Variants in CFAP57 observed in about 807,000 individuals in gnomAD.
CFAP57 encodes cilia and flagella associated protein 57, also known as cilia- and flagella-associated protein 57.
CFAP57 carries 116 observed loss-of-function variants against 146.8 expected under a neutral mutation model. The observed-to-expected ratio is 0.79, with a 90% confidence interval of 0.68 to 0.92. The LOEUF is 0.92. Ranked by LOEUF, CFAP57 falls within the 40% of genes least tolerant of loss-of-function variation. The probability of loss-of-function intolerance (pLI) is 0.00; values close to 1 mark genes in which losing one functional copy is unlikely to be tolerated. For synonymous variants in CFAP57, 518 were observed against 552.8 expected (o/e 0.94, Z 0.88); for missense variants, 1,377 against 1,527.2 (o/e 0.90, Z 1.64).
intron 6 of CFAP57, among the ~76,000 whole-genome samples, chr1:43,190,265 C>CTTTTTTTT (rs71036614): frequency 1.1e-4 from 8 of 71,428 alleles, no homozygotes; most frequent in African/African-American, 2.2e-4. Context: ...CATCCAGTCT[C>CTTTTTTTT]TTTTTTTTTT....
chr1:43,179,305 A>G (rs972870333), intron 2 of CFAP57, among the ~76,000 whole-genome samples: 66 of 152,180 alleles, frequency 4.3e-4, no homozygotes, highest in African/African-American at 1.4e-3. Context: ...AAGGATATCT[A>G]TGTGAGAGGC....
At chr1:43,193,453 T>C (rs1190300000) in intron 6 of CFAP57, among the ~76,000 whole-genome samples, 4 of 152,090 alleles carry the variant, frequency 2.6e-5, no homozygotes, top group Non-Finnish European at 2.9e-5. Flanking sequence ...TTCTTTCACA[T>C]TAAGTAAAAT....
intron 9 of CFAP57, among the ~76,000 whole-genome samples, chr1:43,200,088 A>G (rs960350884): frequency 2.6e-5 from 4 of 152,170 alleles, no homozygotes; most frequent in African/African-American, 9.7e-5. Context: ...AGTGAAGACT[A>G]TTGAAGGGGG....
At chr1:43,208,835 G>A (rs937186256) in intron 10 of CFAP57, among the ~76,000 whole-genome samples, 5 of 150,860 alleles carry the variant, frequency 3.3e-5, no homozygotes, top group African/African-American at 1.2e-4. Flanking sequence ...TGTGTAGGTG[G>A]GTGGGTGAAT....
At chr1:43,210,860 TAAAAA>T (rs1017113023) in intron 11 of CFAP57, 1 of 148,334 alleles carries the variant, frequency 6.7e-6, no homozygotes, top group African/African-American at 2.5e-5. Flanking sequence ...AAAAATGAAA[TAAAAA>T]AGAATTATCT....
At chr1:43,223,533 C>T (rs1645132373) in intron 16 of CFAP57, among the ~76,000 whole-genome samples, 1 of 152,180 alleles carries the variant, frequency 6.6e-6, no homozygotes, top group African/African-American at 2.4e-5. Context: ...GGATTCAACT[C>T]AGTTTCCCCA....
intron 2 of CFAP57, chr1:43,177,118 C>G (rs1281962491): frequency 8.8e-6 from 4 of 455,998 alleles, no homozygotes; most frequent in Non-Finnish European, 1.3e-5. Flanking sequence ...TGTGTTTCCT[C>G]AGGTTCATTC....
chr1:43,181,505 T>G, intron 2 of CFAP57, 29 bp from the exon 3 acceptor site: 1 of 1,613,250 alleles, frequency 6.2e-7, no homozygotes, highest in Non-Finnish European at 8.5e-7. Context: ...TGATCTACCC[T>G]GATTATTTCC....
chr1:43,241,134 G>A lies in CFAP57; in HGVS notation c.3406-2093G>A, dbSNP rs914329265. On this transcript the variant is annotated intron_variant, in intron 21 of 22. Transcript: ENST00000372492. Reference sequence around the variant, plus strand: ...CAGGTGTGAGCCACCGTGCCCAGCCGAGGCCAGGTTCTTTTAAAACAACTA... The same window carrying A: ...CAGGTGTGAGCCACCGTGCCCAGCCAAGGCCAGGTTCTTTTAAAACAACTA... Among the ~76,000 whole-genome samples the A allele has an allele frequency of 1.8e-4, 27 of 152,246 alleles. 1 individual carries two copies. Among genetic ancestry groups the A allele is most frequent in the South Asian group, 4.1e-4 (2 of 4,832 alleles).
Position 43,222,162 on chromosome 1 carries a change from T to C in CFAP57, c.2399T>C (p.Leu800Pro), listed in dbSNP as rs1645070416. ...TATGAGAAGTACCAGGAGCTGCAGC[T>C]CAAGTCCCAGAGGATGCAGGAAGAG... The part of the protein sequence containing the change: ...LEYEKYQELQ[L>P]KSQRMQEEYE... Residue 800 changes from leucine (L) to proline (P), a missense_variant, in exon 15 of 23, where the codon CTC (leucine) becomes CCC (proline). By Grantham distance (98) the Leu-to-Pro change is moderately conservative. Coordinates refer to ENST00000372492, the MANE Select transcript of CFAP57 (RefSeq NM_001378189.1). The C allele has an allele frequency of 1.9e-6, 3 of 1,548,130 alleles. No homozygotes were observed. In the African/African-American group the frequency reaches 4.1e-5, roughly 21 times the overall value.
chr1:43,225,510 C>T (rs964755039), intron 17 of CFAP57, among the ~76,000 whole-genome samples: 1 of 152,174 alleles, frequency 6.6e-6, no homozygotes, highest in African/African-American at 2.4e-5. Context: ...AGTTTGCCAA[C>T]CCCTGGCCTA....
intron 8 of CFAP57, 147 bp from the exon 9 acceptor site, chr1:43,199,240 ACTC>A: frequency 1.3e-6 from 1 of 770,430 alleles, no homozygotes; most frequent in Non-Finnish European, 2.4e-6. Context: ...AATGTCAGCC[ACTC>A]CTCAGTCTCA....
chr1:43,172,658 G>A (rs1038690279), intron 1 of CFAP57, 77 bp from the exon 2 acceptor site: 1 of 1,437,904 alleles, frequency 7.0e-7, no homozygotes, highest in African/African-American at 1.4e-5. Context: ...AGGGCGGGGA[G>A]GGCGAGTCCG....
intron 18 of CFAP57, among the ~76,000 whole-genome samples, chr1:43,228,296 C>G (rs1457243082): frequency 6.6e-6 from 1 of 152,280 alleles, no homozygotes; most frequent in African/African-American, 2.4e-5. Flanking sequence ...CTGCCTCTGC[C>G]TGGAAGGCTC....
chr1:43,251,337 A>G (rs1646320355), intron 22 of CFAP57, among the ~76,000 whole-genome samples: 1 of 152,218 alleles, frequency 6.6e-6, no homozygotes, highest in Admixed American at 6.5e-5. Flanking sequence ...GGGTTTATAT[A>G]CCAGGGAAGA....
intron 2 of CFAP57, 86 bp downstream of exon 2, chr1:43,172,996 G>A: frequency 7.5e-7 from 1 of 1,335,710 alleles, no homozygotes; most frequent in South Asian, 1.2e-5. Flanking sequence ...TGGAAAGAAA[G>A]ATTTTGGCCA....
chr1:43,236,985 G>A (rs1645730569), intron 21 of CFAP57, among the ~76,000 whole-genome samples: 2 of 152,110 alleles, frequency 1.3e-5, no homozygotes, highest in Non-Finnish European at 2.9e-5. Context: ...TAGAAATCCA[G>A]TGGGAAAGCC....
intron 15 of CFAP57, among the ~76,000 whole-genome samples, chr1:43,222,567 T>A (rs766002347): frequency 2.0e-5 from 3 of 151,576 alleles, no homozygotes; most frequent in Non-Finnish European, 4.4e-5. Flanking sequence ...AGGGATGGGG[T>A]GTTGGTAAGA....
chr1:43,227,817 T>C (rs1645310741), intron 18 of CFAP57, among the ~76,000 whole-genome samples: 1 of 152,180 alleles, frequency 6.6e-6, no homozygotes, highest in African/African-American at 2.4e-5. Context: ...TCTTGATTTT[T>C]CTCTCCCCCT....
Sources: allele counts gnomAD v4.1 joint callset (sites outside exome capture counted in the v4.1 genomes callset), GRCh38; gene constraint gnomAD v4.1.1; transcripts MANE v1.5; gene names NCBI Gene and HGNC (gene_info 2026-07-23, HGNC 2026-07-21).